Variants in PTPN11 observed in about 807,000 individuals in gnomAD.
The protein encoded by PTPN11 is tyrosine-protein phosphatase non-receptor type 11.
In PTPN11, 6 loss-of-function variants were observed where a neutral mutation model predicts 78.8. That is an observed-to-expected ratio of 0.08 (90% CI 0.04 to 0.15). PTPN11 has a LOEUF of 0.15. Ranked by LOEUF, PTPN11 falls within the 10% of genes least tolerant of loss-of-function variation. The probability of loss-of-function intolerance (pLI) is 1.00; values close to 1 mark genes in which losing one functional copy is unlikely to be tolerated. For missense variants in PTPN11, 386 were observed against 744.8 expected (o/e 0.52, Z 5.61); for synonymous variants, 221 against 263.5 (o/e 0.84, Z 1.56).
intron 6 of PTPN11, among the ~76,000 whole-genome samples, chr12:112,463,825 C>A (rs2038285989): frequency 6.6e-6 from 1 of 152,170 alleles, no homozygotes; most frequent in Admixed American, 6.6e-5. Flanking sequence ...ATCTAAATAG[C>A]TGATGGCCTG....
Position 112,425,002 on chromosome 12 carries a change from G to A in PTPN11, c.14+5877G>A, listed in dbSNP as rs936227130. Among the ~76,000 whole-genome samples the A allele has an allele frequency of 5.3e-3, 762 of 143,086 alleles. 9 individuals carry two copies. Among genetic ancestry groups the A allele is most frequent in the African/African-American group, 0.019 (700 of 37,070 alleles). 93.9% of individuals were successfully genotyped at this position (143,086 alleles called of 152,430 possible). A position where few individuals can be genotyped will look rare whatever the true frequency, so the allele number is the denominator to read the frequency against. On this transcript the variant is annotated intron_variant, in intron 1 of 15. Coordinates refer to ENST00000351677, the MANE Select transcript of PTPN11 (RefSeq NM_002834.5). ...TGTGTGTGTGTGTGTGTGTGTGTGT[G>A]TGTGTGTATGTAGAGATGGGGTTTT... is the stretch of plus-strand genomic sequence containing the variant.
intron 1 of PTPN11, among the ~76,000 whole-genome samples, chr12:112,430,789 G>A (rs1372205478): frequency 6.6e-6 from 1 of 151,714 alleles, no homozygotes; most frequent in Non-Finnish European, 1.5e-5. Context: ...CAGACTGCAA[G>A]TTAGTTTCAG....
chr12:112,500,608 T>C (rs953644354), intron 13 of PTPN11, among the ~76,000 whole-genome samples: 1 of 152,208 alleles, frequency 6.6e-6, no homozygotes, highest in Non-Finnish European at 1.5e-5. Context: ...TATTTTTATT[T>C]TTTGAGACAG....
At chr12:112,452,543 C>A (rs758391198) in intron 3 of PTPN11, among the ~76,000 whole-genome samples, 2 of 149,188 alleles carry the variant, frequency 1.3e-5, no homozygotes, top group Non-Finnish European at 3.0e-5. Flanking sequence ...ATTTTTTTTT[C>A]TTGAGACAGG....
chr12:112,457,208 C>T (rs1049169870), intron 6 of PTPN11: 4 of 389,878 alleles, frequency 1.0e-5, no homozygotes, highest in Non-Finnish European at 2.0e-5. Context: ...CAGGAGTTTG[C>T]CCCCATCCCC....
chr12:112,420,857 T>G (rs1487561690), intron 1 of PTPN11, among the ~76,000 whole-genome samples: 4 of 152,206 alleles, frequency 2.6e-5, no homozygotes, highest in Admixed American at 1.3e-4. Context: ...ATGTTCTAAT[T>G]CTTTAGGGAG....
rs1426650022 is a variant in PTPN11, at chr12:112,424,957, TG to T, written c.14+5833del. ...GCACACACCACCATGTCAGGCTAAT[TG>T]TGTGTGTGTGTGTGTGTGTGTGTGT... On this transcript the variant is annotated intron_variant, in intron 1 of 15. Transcript: ENST00000351677. Among the ~76,000 whole-genome samples the T allele has an allele frequency of 4.0e-3, 71 of 17,810 alleles. 2 individuals are homozygous for T. The highest frequency in any genetic ancestry group is 8.6e-3 in the African/African-American group (52 of 6,036). The allele number at this position is 17,810 out of a possible 152,430, so 11.7% of individuals were successfully genotyped here.
chr12:112,481,945 C>A, intron 9 of PTPN11, 129 bp from the exon 10 acceptor site: 1 of 986,722 alleles, frequency 1.0e-6, no homozygotes, highest in Non-Finnish European at 1.6e-6. Flanking sequence ...GAAAACCTAA[C>A]AGATGCGAAA....
At chr12:112,446,031 A>G (rs1192116804) in intron 1 of PTPN11, among the ~76,000 whole-genome samples, 1 of 151,556 alleles carries the variant, frequency 6.6e-6, no homozygotes, top group African/African-American at 2.4e-5. Flanking sequence ...CTGTCTTAAT[A>G]CCCTAGCCCC....
intron 1 of PTPN11, among the ~76,000 whole-genome samples, chr12:112,434,140 C>T (rs1180552567): frequency 6.6e-6 from 1 of 151,582 alleles, no homozygotes; most frequent in Non-Finnish European, 1.5e-5. Flanking sequence ...ATTAGTTGGG[C>T]ATAGTGGTGC....
chr12:112,488,561 A>G, intron 12 of PTPN11, 51 bp downstream of exon 12: 1 of 1,524,334 alleles, frequency 6.6e-7, no homozygotes, highest in Non-Finnish European at 9.1e-7. Flanking sequence ...TAGTTTATGG[A>G]AGGAAAGTGC....
rs1344386742 is a variant in PTPN11 at position 112,454,548 on chromosome 12, G to C, written c.526-16G>C. The C allele has an allele frequency of 6.4e-7, 1 of 1,552,970 alleles. No individual in the cohort carries two copies. The highest frequency in any genetic ancestry group is 1.1e-5 in the South Asian group (1 of 89,762). Reference sequence around the variant, plus strand: ...AAAGGTAACAAATAATAAATGTCATGTGTTTATCTTGAAAGGAACTGAAAT... The same window carrying C: ...AAAGGTAACAAATAATAAATGTCATCTGTTTATCTTGAAAGGAACTGAAAT... On this transcript the variant is annotated splice_polypyrimidine_tract_variant and intron_variant, in intron 4 of 15. Coordinates refer to ENST00000351677, the MANE Select transcript of PTPN11 (RefSeq NM_002834.5).
intron 7 of PTPN11, 151 bp downstream of exon 7, chr12:112,473,191 T>G: frequency 1.4e-6 from 1 of 696,546 alleles, no homozygotes; most frequent in Non-Finnish European, 2.6e-6. Flanking sequence ...TAATCAACCA[T>G]GGTGGGTGTT....
intron 10 of PTPN11, among the ~76,000 whole-genome samples, chr12:112,484,850 G>GCACT (rs1210612541): frequency 3.3e-5 from 5 of 151,636 alleles, no homozygotes; most frequent in Non-Finnish European, 5.9e-5. Context: ...TTGTGCCACT[G>GCACT]CACTCCAGCC....
rs2038620224 is a variant in PTPN11, at chr12:112,482,987, G to C, written c.1224+782G>C. ...AGAGATATTTGTTCAATGACCTCTT[G>C]GTTCCTGGCACCATGCTGCTTGCTG... On this transcript the variant is annotated intron_variant, in intron 10 of 15. Transcript: ENST00000351677. The surrounding 1 kb of genome is among the most constrained non-coding windows in gnomAD (Gnocchi z 4.4). 6.6e-6 allele frequency among the ~76,000 whole-genome samples: 1 copy of C among 152,136 alleles called. No homozygotes were observed. The highest frequency in any genetic ancestry group is 2.4e-5 in the African/African-American group (1 of 41,428).
At chr12:112,431,702 C>T (rs997210157) in intron 1 of PTPN11, among the ~76,000 whole-genome samples, 3 of 152,134 alleles carry the variant, frequency 2.0e-5, no homozygotes, top group Admixed American at 6.6e-5. Flanking sequence ...TTTTTCTAAA[C>T]GTTTTCTTCT....
At chr12:112,493,443 G>A (rs1348348393) in intron 13 of PTPN11, among the ~76,000 whole-genome samples, 1 of 148,348 alleles carries the variant, frequency 6.7e-6, no homozygotes, top group African/African-American at 2.5e-5. Flanking sequence ...GGAGTGCAGT[G>A]GCATGATCTT....
chr12:112,491,099 A>G (rs1389655764), intron 13 of PTPN11, among the ~76,000 whole-genome samples: 1 of 152,188 alleles, frequency 6.6e-6, no homozygotes, highest in African/African-American at 2.4e-5. Flanking sequence ...AGCTGTGGAG[A>G]AGGAAGAGAA....
intron 13 of PTPN11, among the ~76,000 whole-genome samples, chr12:112,499,042 G>A (rs182235481): frequency 6.6e-6 from 1 of 152,120 alleles, no homozygotes; most frequent in South Asian, 2.1e-4. Flanking sequence ...GTATTGAGTA[G>A]GGAGGGGGAA....
Sources: allele counts gnomAD v4.1 joint callset (sites outside exome capture counted in the v4.1 genomes callset), GRCh38; gene constraint gnomAD v4.1.1; non-coding constraint Gnocchi (gnomAD v3.1); transcripts MANE v1.5; gene names NCBI Gene and HGNC (gene_info 2026-07-23, HGNC 2026-07-21).